Variants in ZNF385D observed in about 807,000 individuals in gnomAD.
ZNF385D encodes zinc finger protein 659.
ZNF385D carries 15 observed loss-of-function variants against 35.8 expected under a neutral mutation model. That is an observed-to-expected ratio of 0.42 (90% CI 0.28 to 0.64). The LOEUF is 0.64. Among genes scored for constraint, ZNF385D ranks in the 30% least tolerant of loss-of-function variants. The probability of loss-of-function intolerance (pLI) is 0.23; values close to 1 mark genes in which losing one functional copy is unlikely to be tolerated. For missense variants in ZNF385D, 474 were observed against 494.6 expected, an observed-to-expected ratio of 0.96 and a Z score of 0.39; for synonymous variants, 212 against 186.8, an observed-to-expected ratio of 1.13 and a Z score of -1.10.
chr3:21,981,473 T>A (rs1694446768), intron 3 of ZNF385D, among the ~76,000 whole-genome samples: 1 of 152,198 alleles, frequency 6.6e-6, no homozygotes, highest in East Asian at 1.9e-4. Flanking sequence ...TACACCTTTG[T>A]CAGATGCATA....
At chr3:22,007,707 G>C (rs1559843224) in intron 3 of ZNF385D, among the ~76,000 whole-genome samples, 1 of 151,992 alleles carries the variant, frequency 6.6e-6, no homozygotes, top group South Asian at 2.1e-4. Flanking sequence ...ATTCAGTATA[G>C]TTTTAGTTTA....
chr3:21,414,727 G>T lies in ZNF385D; in HGVS notation c.*6487C>A, dbSNP rs972331735. The T allele has an allele frequency of 2.0e-5, 3 of 152,088 alleles. No homozygotes were observed. The highest frequency in any genetic ancestry group is 2.9e-5 in the Non-Finnish European group (2 of 68,004). The allele number at this position is 152,088 out of a possible 1,614,324, so 9.4% of individuals were successfully genotyped here. ...ACAACTGTGTTCACTGTTCTGTGAT[G>T]CTCGATCTTGTGCCCAGATCCCTTG... On this transcript the variant is annotated 3_prime_UTR_variant, in exon 8 of 8. Transcript: ENST00000281523.
In ZNF385D at chr3:21,539,863, C is replaced by T. The variant is rs1021967174; in HGVS notation, c.276+24711G>A. Among the ~76,000 whole-genome samples, 1 of 151,900 alleles carries T rather than the reference C, an allele frequency of 6.6e-6. No individual in the cohort carries two copies. Among genetic ancestry groups the T allele is most frequent in the African/African-American group, 2.4e-5 (1 of 41,392 alleles). On this transcript the variant is annotated intron_variant, in intron 3 of 7. Transcript: ENST00000281523. The surrounding 1 kb of genome is among the most constrained non-coding windows in gnomAD (Gnocchi z 4.0). Reference sequence around the variant, plus strand: ...CTACAAACACAGCATAAGAGTAATGCTGATTTTGAGCAATTGATTTTAAAA... The same window carrying T: ...CTACAAACACAGCATAAGAGTAATGTTGATTTTGAGCAATTGATTTTAAAA...
intron 3 of ZNF385D, among the ~76,000 whole-genome samples, chr3:21,949,555 T>TTTC (rs375725160): frequency 5.4e-4 from 62 of 115,176 alleles, no homozygotes; most frequent in African/African-American, 1.4e-3. Context: ...TCTTTCTTTC[T>TTTC]TTTTTTTTTT....
intron 3 of ZNF385D, among the ~76,000 whole-genome samples, chr3:21,532,540 C>G (rs998742590): frequency 2.0e-5 from 3 of 151,854 alleles, no homozygotes; most frequent in Admixed American, 6.6e-5. Flanking sequence ...TGGTTGTCTC[C>G]AACGTAAATT....
At chr3:22,026,343 T>C (rs1233983653) in intron 3 of ZNF385D, among the ~76,000 whole-genome samples, 2 of 152,098 alleles carry the variant, frequency 1.3e-5, no homozygotes, top group African/African-American at 4.8e-5. Context: ...ACAATTTATG[T>C]GGTGAATCTT....
At chr3:22,306,254 G>T (rs1261047848) in intron 2 of ZNF385D, among the ~76,000 whole-genome samples, 1 of 152,004 alleles carries the variant, frequency 6.6e-6, no homozygotes, top group Non-Finnish European at 1.5e-5. Context: ...TAATCTTCTG[G>T]TTTTTCTGGC....
At chr3:21,434,924 G>A (rs1445221373) in intron 5 of ZNF385D, among the ~76,000 whole-genome samples, 1 of 152,128 alleles carries the variant, frequency 6.6e-6, no homozygotes, top group African/African-American at 2.4e-5. Flanking sequence ...GGGAATTCAA[G>A]TAAAGGGTGA....
chr3:22,371,724 C>T (rs1696913845), intron 2 of ZNF385D, among the ~76,000 whole-genome samples: 1 of 152,134 alleles, frequency 6.6e-6, no homozygotes, highest in Non-Finnish European at 1.5e-5. Context: ...TTTGCTCCTC[C>T]AGGTACTCAA....
chr3:21,434,424 C>G (rs1293199066), intron 5 of ZNF385D, among the ~76,000 whole-genome samples: 2 of 152,156 alleles, frequency 1.3e-5, no homozygotes, highest in Admixed American at 6.5e-5. Context: ...GCAGGTATCT[C>G]TAGATTTTCT....
intron 3 of ZNF385D, among the ~76,000 whole-genome samples, chr3:22,103,118 A>G (rs1702028875): frequency 1.3e-5 from 2 of 151,502 alleles, no homozygotes; most frequent in Admixed American, 6.6e-5. Context: ...TAATCATGTT[A>G]ATTTAATAAG....
intron 2 of ZNF385D, among the ~76,000 whole-genome samples, chr3:21,608,012 C>CTTTTTTTTTTTTT (rs368555930): frequency 9.7e-5 from 12 of 123,964 alleles, no homozygotes; most frequent in African/African-American, 3.1e-4. Context: ...TCTTTTTCTT[C>CTTTTTTTTTTTTT]TTTTTTTTTT....
chr3:21,858,823 G>A (rs1032372295), intron 3 of ZNF385D, among the ~76,000 whole-genome samples: 8 of 152,022 alleles, frequency 5.3e-5, no homozygotes, highest in South Asian at 2.1e-4. Flanking sequence ...TGGTATTCAT[G>A]GATTGCATCA....
intron 3 of ZNF385D, among the ~76,000 whole-genome samples, chr3:21,960,036 A>G (rs1044366784): frequency 2.6e-5 from 4 of 152,010 alleles, no homozygotes; most frequent in Non-Finnish European, 5.9e-5. Flanking sequence ...AAAAAAAAAA[A>G]AAAGACAAAT....
chr3:22,302,671 TTAGA>T (rs1333415418), intron 2 of ZNF385D, among the ~76,000 whole-genome samples: 1 of 152,048 alleles, frequency 6.6e-6, no homozygotes, highest in African/African-American at 2.4e-5. Flanking sequence ...TATGGAATTT[TTAGA>T]TAGAGATAAT....
intron 3 of ZNF385D, among the ~76,000 whole-genome samples, chr3:21,760,518 C>A (rs576557906): frequency 2.6e-5 from 4 of 152,232 alleles, no homozygotes; most frequent in African/African-American, 9.6e-5. Context: ...TGAAGGTAAC[C>A]CTCACATTTC....
intron 3 of ZNF385D, among the ~76,000 whole-genome samples, chr3:21,757,134 T>TTTTTTTTTTTTTGTTTTTG (rs1553654008): frequency 1.6e-5 from 2 of 128,232 alleles, no homozygotes; most frequent in African/African-American, 2.9e-5. Flanking sequence ...TTTTTTTTTT[T>TTTTTTTTTTTTTGTTTTTG]TTTTTGTTTT....
chr3:21,756,709 G>A (rs537587042), intron 3 of ZNF385D, among the ~76,000 whole-genome samples: 1 of 152,314 alleles, frequency 6.6e-6, no homozygotes, highest in South Asian at 2.1e-4. Context: ...TTTGTTGAAA[G>A]TATAATAACT....
At chr3:21,714,804 T>A (rs943466318) in intron 1 of ZNF385D, among the ~76,000 whole-genome samples, 1 of 152,220 alleles carries the variant, frequency 6.6e-6, no homozygotes, top group Non-Finnish European at 1.5e-5. Flanking sequence ...TCCCTGTTCC[T>A]ACTCTCTCTT....
Sources: allele counts gnomAD v4.1 joint callset (sites outside exome capture counted in the v4.1 genomes callset), GRCh38; gene constraint gnomAD v4.1.1; non-coding constraint Gnocchi (gnomAD v3.1); transcripts MANE v1.5; gene names NCBI Gene and HGNC (gene_info 2026-07-23, HGNC 2026-07-21).